Variants in HOXC4 observed in about 807,000 individuals in gnomAD.
The protein encoded by HOXC4 is homeobox protein Hox-C4.
HOXC4 carries 15 observed loss-of-function variants against 25.5 expected under a neutral mutation model. The observed-to-expected ratio is 0.59, with a 90% CI of 0.39 to 0.91. The LOEUF is 0.91. Ranked by LOEUF, HOXC4 falls within the 40% of genes least tolerant of loss-of-function variation. The pLI, the probability that HOXC4 is intolerant of heterozygous loss-of-function variation, is 0.00. For missense variants in HOXC4, 342 were observed against 352.4 expected, an observed-to-expected ratio of 0.97 and a Z score of 0.24; for synonymous variants, 165 against 148.0, an observed-to-expected ratio of 1.11 and a Z score of -0.83.
chr12:54,022,188 T>C (rs1226452263), intron 1 of HOXC4: 1 of 151,986 alleles, frequency 6.6e-6, no homozygotes, highest in African/African-American at 2.4e-5. Context: ...ACTACCCCAC[T>C]CCTTTCTGCA....
chr12:54,029,380 GCTTT>G, intron 1 of HOXC4, among the ~76,000 whole-genome samples: 1 of 150,710 alleles, frequency 6.6e-6, no homozygotes, highest in South Asian at 2.1e-4. Flanking sequence ...TAGACTTGCA[GCTTT>G]CTGTTTGCCT....
intron 1 of HOXC4, 60 bp from the exon 2 acceptor site, chr12:54,054,790 G>T: frequency 9.0e-7 from 1 of 1,112,862 alleles, no homozygotes; most frequent in Non-Finnish European, 1.3e-6. Flanking sequence ...TGGGGTGAGG[G>T]TGGGGGGCGG....
upstream of HOXC4, among the ~76,000 whole-genome samples, chr12:54,050,152 C>A (rs1362772235): frequency 6.6e-6 from 1 of 152,180 alleles, no homozygotes; most frequent in Non-Finnish European, 1.5e-5. Context: ...TGAGCTCTCT[C>A]AGCCGGCAGC....
chr12:54,029,224 C>A (rs1592232538), intron 1 of HOXC4, among the ~76,000 whole-genome samples: 1 of 151,982 alleles, frequency 6.6e-6, no homozygotes, highest in East Asian at 1.9e-4. Flanking sequence ...TGGAGTCAGT[C>A]TGAGGAGAAG....
chr12:54,026,243 T>A (rs573726119), intron 1 of HOXC4, among the ~76,000 whole-genome samples: 30 of 152,218 alleles, frequency 2.0e-4, no homozygotes, highest in African/African-American at 5.8e-4. Context: ...GTGCACTGAC[T>A]TGTTCCCTAG....
chr12:54,022,991 A>T (rs537138963), intron 1 of HOXC4, among the ~76,000 whole-genome samples: 1 of 152,226 alleles, frequency 6.6e-6, no homozygotes, highest in South Asian at 2.1e-4. Flanking sequence ...GGCTGAAAAT[A>T]TTCTGGATAT....
intron 1 of HOXC4, chr12:54,038,028 C>T (rs1941216851): frequency 6.6e-6 from 1 of 152,206 alleles, no homozygotes; most frequent in African/African-American, 2.4e-5. Flanking sequence ...AGTTAATTCT[C>T]TCTTTCTCTC....
chr12:54,029,732 T>C (rs1478562015), intron 1 of HOXC4: 1 of 1,614,152 alleles, frequency 6.2e-7, no homozygotes, highest in East Asian at 2.2e-5. Context: ...GGAGAAGGAA[T>C]TTCACTTCAA....
At chr12:54,039,145 T>C (rs773666907) in intron 1 of HOXC4, among the ~76,000 whole-genome samples, 5 of 151,580 alleles carry the variant, frequency 3.3e-5, no homozygotes, top group Non-Finnish European at 1.5e-5. Flanking sequence ...TAGGTGCAAC[T>C]CCTCCAGGCT....
At chr12:54,017,425 C>G (rs1940203151) in intron 1 of HOXC4, 1 of 151,380 alleles carries the variant, frequency 6.6e-6, no homozygotes, top group Non-Finnish European at 1.5e-5. Context: ...GTAAGTGTTT[C>G]CTTATTGGTT....
intron 1 of HOXC4, chr12:54,035,194 G>C (rs751090886): frequency 2.0e-5 from 3 of 153,444 alleles, no homozygotes; most frequent in Non-Finnish European, 4.4e-5. Context: ...GGGGTTTCCT[G>C]GCACTGGACC....
At chr12:54,018,355 G>A (rs1317906641) in intron 1 of HOXC4, among the ~76,000 whole-genome samples, 3 of 152,192 alleles carry the variant, frequency 2.0e-5, no homozygotes, top group Non-Finnish European at 4.4e-5. Context: ...TCGGGGGGAG[G>A]TGGAAATGGG....
At chr12:54,034,878 C>G (rs1210565576) in intron 1 of HOXC4, 2 of 269,860 alleles carry the variant, frequency 7.4e-6, no homozygotes, top group Non-Finnish European at 7.2e-6. Context: ...CCACAGGACC[C>G]TCGCCGGACC....
chr12:54,018,340 T>A (rs1940259839), intron 1 of HOXC4, among the ~76,000 whole-genome samples: 1 of 151,976 alleles, frequency 6.6e-6, no homozygotes, highest in Admixed American at 6.5e-5. Flanking sequence ...AGGACCTGCC[T>A]CGCCTCGGGG....
At chr12:54,030,163 C>T in intron 1 of HOXC4, 1 of 536,446 alleles carries the variant, frequency 1.9e-6, no homozygotes, top group Non-Finnish European at 3.3e-6. Flanking sequence ...CCACGCGCCT[C>T]CTCCTCCTCG....
intron 1 of HOXC4, chr12:54,033,157 A>T (rs1302490071): frequency 3.7e-6 from 6 of 1,613,640 alleles, no homozygotes; most frequent in Non-Finnish European, 5.1e-6. Flanking sequence ...TTCTATAAGC[A>T]GAGCCCCAAT....
chr12:54,054,328 T>TC lies in HOXC4; in HGVS notation c.406_407insC (p.Tyr136SerfsTer10). 6.4e-7 allele frequency: 1 copy of TC among 1,571,284 alleles called. No homozygotes were observed. Among genetic ancestry groups the TC allele is most frequent in the Non-Finnish European group, 8.6e-7 (1 of 1,161,070 alleles). On this transcript the variant is annotated frameshift_variant, in exon 1 of 2. Transcript: ENST00000430889. LOFTEE classifies it high-confidence loss of function. Reference sequence around the variant, plus strand: ...CGCCGCCAGCAAGCAACCCATAGTCTACCCATGGATGAAAAAAATTCACGT... The same window carrying TC: ...CGCCGCCAGCAAGCAACCCATAGTCTCACCCATGGATGAAAAAAATTCACGT...
intron 1 of HOXC4, chr12:54,034,500 G>C (rs764275323): frequency 6.2e-7 from 1 of 1,610,396 alleles, no homozygotes; most frequent in South Asian, 1.1e-5. Context: ...TAGAGGCAGC[G>C]GGGGAGGCCC....
upstream of HOXC4, among the ~76,000 whole-genome samples, chr12:54,049,192 A>G (rs1937786552): frequency 6.6e-6 from 1 of 152,140 alleles, no homozygotes; most frequent in Admixed American, 6.5e-5. Context: ...CAGGGCCTTC[A>G]TTTTTCCCCT....
Sources: allele counts gnomAD v4.1 joint callset (sites outside exome capture counted in the v4.1 genomes callset), GRCh38; gene constraint gnomAD v4.1.1; transcripts MANE v1.5; gene names NCBI Gene and HGNC (gene_info 2026-07-23, HGNC 2026-07-21).